The following ALK variants were observed in gnomAD, a reference collection of about 807,000 sequenced individuals.
ALK encodes the protein ALK receptor tyrosine kinase.
A neutral mutation model predicts 163.1 loss-of-function variants in ALK; 74 were observed. The ratio of observed to expected loss-of-function variants is 0.45; its 90% CI spans 0.38 to 0.55. ALK has a LOEUF of 0.55. Ranked by LOEUF, ALK falls within the 20% of genes least tolerant of loss-of-function variation. The pLI, the probability that ALK is intolerant of heterozygous loss-of-function variation, is 0.00. For missense variants in ALK, 2,063 were observed against 2,105.3 expected, an observed-to-expected ratio of 0.98 and a Z score of 0.39; for synonymous variants, 960 against 843.2, an observed-to-expected ratio of 1.14 and a Z score of -2.40.
chr2:29,910,541 C>A (rs1449623263), intron 1 of ALK, among the ~76,000 whole-genome samples: 2 of 152,004 alleles, frequency 1.3e-5, no homozygotes, highest in Non-Finnish European at 2.9e-5. Flanking sequence ...TACATAAGGG[C>A]ACATCATTAA....
At chr2:29,358,743 T>C (rs1668314858) in intron 5 of ALK, among the ~76,000 whole-genome samples, 1 of 152,324 alleles carries the variant, frequency 6.6e-6, no homozygotes, top group East Asian at 1.9e-4. Flanking sequence ...CAGGCACTGA[T>C]ATATTTTCTC....
intron 1 of ALK, among the ~76,000 whole-genome samples, chr2:29,835,046 C>G (rs999654991): frequency 6.6e-6 from 1 of 152,160 alleles, no homozygotes; most frequent in Non-Finnish European, 1.5e-5. Context: ...GTCATTCAGG[C>G]GGGGCTGGTG....
At chr2:29,891,857 T>C (rs1328824794) in intron 1 of ALK, among the ~76,000 whole-genome samples, 2 of 152,156 alleles carry the variant, frequency 1.3e-5, no homozygotes, top group Admixed American at 1.3e-4. Flanking sequence ...CTTCCTGACA[T>C]CCAGCTTCTC....
rs1390565142 is a variant in ALK at position 29,810,371 on chromosome 2, G to C, written c.668-92674C>G. On this transcript the variant is annotated intron_variant, in intron 1 of 28. Transcript: ENST00000389048. ...CGGGAGGCAGATATTGCAGTGAGCA[G>C]AGACTGTACCATTTCACTCTAGCCT... 4.1e-5 allele frequency among the ~76,000 whole-genome samples: 6 copies of C among 146,280 alleles called. No individual in the cohort carries two copies. The Admixed American group carries it at 4.2e-4, about 10-fold the overall frequency.
At chr2:29,593,304 A>G (rs925126541) in intron 3 of ALK, among the ~76,000 whole-genome samples, 1 of 152,212 alleles carries the variant, frequency 6.6e-6, no homozygotes, top group Non-Finnish European at 1.5e-5. Context: ...GATGATTTCC[A>G]GTATCTTAAA....
chr2:29,775,524 C>G (rs1248488212), intron 1 of ALK, among the ~76,000 whole-genome samples: 1 of 150,026 alleles, frequency 6.7e-6, no homozygotes, highest in Non-Finnish European at 1.5e-5. Context: ...TCGGAGTGGA[C>G]TCCCTCCCCC....
chr2:29,813,266 C>T (rs1664802877), intron 1 of ALK, among the ~76,000 whole-genome samples: 1 of 152,118 alleles, frequency 6.6e-6, no homozygotes, highest in Non-Finnish European at 1.5e-5. Flanking sequence ...AAAGAAGATT[C>T]AAAAATGTCT....
intron 4 of ALK, among the ~76,000 whole-genome samples, chr2:29,521,910 C>T (rs920284724): frequency 6.6e-6 from 1 of 152,208 alleles, no homozygotes; most frequent in Admixed American, 6.5e-5. Flanking sequence ...CTCTCTATGA[C>T]CTTCGGCAGT....
chr2:29,910,359 A>G (rs890291247), intron 1 of ALK, among the ~76,000 whole-genome samples: 2 of 152,182 alleles, frequency 1.3e-5, no homozygotes, highest in Non-Finnish European at 2.9e-5. Context: ...AAAAAAATGA[A>G]CAGACCCTTA....
At chr2:29,447,463 GA>G (rs113240351) in intron 4 of ALK, among the ~76,000 whole-genome samples, 2,770 of 149,584 alleles carry the variant, frequency 0.019, 69 homozygotes, top group African/African-American at 0.062. Flanking sequence ...CTTTAGGAGG[GA>G]AAAAAAAAAT....
chr2:29,514,542 G>A (rs1036665674), intron 4 of ALK, among the ~76,000 whole-genome samples: 6 of 152,130 alleles, frequency 3.9e-5, no homozygotes, highest in African/African-American at 1.4e-4. Flanking sequence ...TGGAAAGATG[G>A]TCCACATCTT....
At chr2:29,693,825 G>A (rs570896166) in intron 3 of ALK, among the ~76,000 whole-genome samples, 2 of 152,306 alleles carry the variant, frequency 1.3e-5, no homozygotes, top group South Asian at 4.1e-4. Flanking sequence ...ATCACAGCAA[G>A]TATTTAGACC....
At chr2:29,698,937 A>G (rs1678650364) in intron 2 of ALK, among the ~76,000 whole-genome samples, 1 of 152,230 alleles carries the variant, frequency 6.6e-6, no homozygotes. Flanking sequence ...ACATGGAGAC[A>G]CAGGTTTTTC....
intron 1 of ALK, among the ~76,000 whole-genome samples, chr2:29,827,434 G>T (rs550364293): frequency 7.2e-5 from 11 of 152,286 alleles, no homozygotes; most frequent in African/African-American, 2.6e-4. Context: ...GGTCTTCTCT[G>T]CTTCTGAGCT....
chr2:29,515,629 T>C (rs957374939), intron 4 of ALK, among the ~76,000 whole-genome samples: 2 of 152,140 alleles, frequency 1.3e-5, no homozygotes, highest in Non-Finnish European at 2.9e-5. Context: ...GTAGATGTCC[T>C]TTTTGAATTG....
chr2:29,342,981 C>T (rs1294812712), intron 5 of ALK, among the ~76,000 whole-genome samples: 1 of 140,496 alleles, frequency 7.1e-6, no homozygotes, highest in East Asian at 2.2e-4. Context: ...CTCCTGGGTT[C>T]GTGCCATTCT....
chr2:29,299,064 T>C (rs1666289434), intron 8 of ALK, among the ~76,000 whole-genome samples: 1 of 152,254 alleles, frequency 6.6e-6, no homozygotes, highest in African/African-American at 2.4e-5. Context: ...ATGTAACTGC[T>C]GCCGCTAGTT....
intron 4 of ALK, among the ~76,000 whole-genome samples, chr2:29,425,309 C>T (rs1210650370): frequency 1.3e-5 from 2 of 152,138 alleles, no homozygotes; most frequent in Non-Finnish European, 2.9e-5. Flanking sequence ...GAGAGGCTTT[C>T]CCCCGGCCCC....
chr2:29,518,870 A>T (rs1368336036), intron 4 of ALK, among the ~76,000 whole-genome samples: 2 of 152,222 alleles, frequency 1.3e-5, no homozygotes, highest in East Asian at 3.8e-4. Context: ...AGGAACTATC[A>T]TGTGTTGGGT....
Sources: allele counts gnomAD v4.1 joint callset (sites outside exome capture counted in the v4.1 genomes callset), GRCh38; gene constraint gnomAD v4.1.1; transcripts MANE v1.5; gene names NCBI Gene and HGNC (gene_info 2026-07-23, HGNC 2026-07-21).